Variants in HERC2 observed in about 807,000 individuals in gnomAD.
HERC2 encodes E3 ubiquitin-protein ligase HERC2.
A neutral mutation model predicts 537.7 loss-of-function variants in HERC2; 102 were observed. The ratio of observed to expected loss-of-function variants is 0.19; its 90% CI spans 0.16 to 0.22. The LOEUF is 0.22. Ranked by LOEUF, HERC2 falls within the 10% of genes least tolerant of loss-of-function variation. The pLI is 1.00. For missense variants in HERC2, 4,236 were observed against 6,198.2 expected (o/e 0.68, Z 10.63); for synonymous variants, 2,224 against 2,466.2 (o/e 0.90, Z 2.91).
Position 28,141,723 on chromosome 15 carries a change from A to G in HERC2, c.11816+8T>C, listed in dbSNP as rs1184054994. On this transcript the variant is annotated splice_region_variant and intron_variant, in intron 77 of 92. Coordinates refer to ENST00000261609, the MANE Select transcript of HERC2 (RefSeq NM_004667.6). ...ATCGACATTACTGCTTGTTTCTAAT[A>G]TAATAACCTGTTCATCCACTGCACA... The G allele has an allele frequency of 2.5e-6, 4 of 1,612,862 alleles. No homozygotes were observed. Among genetic ancestry groups the G allele is most frequent in the Non-Finnish European group, 3.4e-6 (4 of 1,178,846 alleles).
At chr15:28,318,488 C>G (rs986201195) in intron 2 of HERC2, among the ~76,000 whole-genome samples, 2 of 152,074 alleles carry the variant, frequency 1.3e-5, no homozygotes, top group African/African-American at 4.8e-5. Context: ...ATTAGCCAGG[C>G]GTGGTGGTGG....
intron 23 of HERC2, among the ~76,000 whole-genome samples, chr15:28,243,565 A>C (rs563246760): frequency 6.6e-6 from 1 of 152,322 alleles, no homozygotes; most frequent in Non-Finnish European, 1.5e-5. Flanking sequence ...AAAAATGCGC[A>C]CAAAACTTGA....
rs200864382 is a variant in HERC2, at chr15:28,233,170, T to G, written c.4651A>C (p.Ile1551Leu). The G allele has an allele frequency of 5.6e-4, 902 of 1,611,812 alleles. 1 individual carries two copies. Among genetic ancestry groups the G allele is most frequent in the Non-Finnish European group, 7.0e-4 (823 of 1,179,750 alleles). Residue 1551 changes from isoleucine to leucine, a missense_variant, in exon 30 of 93, where the codon ATT becomes CTT. Around this residue, in one of 27 missense-constraint regions of HERC2, gnomAD observed 343 missense variants for 417.2 expected, o/e 0.82. Transcript: ENST00000261609. Reference sequence around the variant, plus strand: ...CCTCTCTTTTTCCTTCGTTCTCGAATTATCTTTTGAGCTATCCTCCTCCAA... The same window carrying G: ...CCTCTCTTTTTCCTTCGTTCTCGAAGTATCTTTTGAGCTATCCTCCTCCAA... ...PRWRRIAQKI[I>L]RERRKKRVPK...
intron 86 of HERC2, chr15:28,117,843 C>T (rs1888448467): frequency 3.2e-6 from 1 of 310,662 alleles, no homozygotes; most frequent in Non-Finnish European, 6.3e-6. Flanking sequence ...GCCCTAGGGC[C>T]CCGCCGCAGC....
chr15:28,317,198 C>T (rs1341588025), intron 2 of HERC2, among the ~76,000 whole-genome samples: 1 of 152,156 alleles, frequency 6.6e-6, no homozygotes, highest in Non-Finnish European at 1.5e-5. Flanking sequence ...TCAAGCACTT[C>T]TCCTGCCTCA....
chr15:28,159,340 T>C (rs191227419), intron 69 of HERC2, among the ~76,000 whole-genome samples: 269 of 152,336 alleles, frequency 1.8e-3, no homozygotes, highest in African/African-American at 5.8e-3. Context: ...GTTTTCCAAC[T>C]TGGTTCCATT....
chr15:28,116,015 A>G lies in HERC2; in HGVS notation c.13610-474T>C, dbSNP rs569300577. On this transcript the variant is annotated intron_variant, in intron 88 of 92. Coordinates refer to ENST00000261609, the MANE Select transcript of HERC2 (RefSeq NM_004667.6). The stretch of plus-strand genomic sequence containing the variant: ...TAAACACTGAAGATGCAGAAACAGA[A>G]TCTCCCATCTTCTGAGTACCCGAGG... 3.3e-5 allele frequency among the ~76,000 whole-genome samples: 5 copies of G among 152,238 alleles called. No homozygotes were observed. In the South Asian group the frequency reaches 1.0e-3, roughly 32 times the overall value.
intron 86 of HERC2, 39 bp from the exon 87 acceptor site, chr15:28,117,193 G>T (rs372606458): frequency 8.7e-6 from 14 of 1,601,510 alleles, no homozygotes; most frequent in African/African-American, 1.3e-5. Flanking sequence ...GGCCGCTGCC[G>T]CAGCAGGAAG....
At chr15:28,252,974 C>A (rs1206742949) in intron 20 of HERC2, among the ~76,000 whole-genome samples, 2 of 152,236 alleles carry the variant, frequency 1.3e-5, no homozygotes, top group Non-Finnish European at 2.9e-5. Flanking sequence ...GTGGCCACTG[C>A]CCAGGGCTCC....
chr15:28,274,511 C>G (rs2075820902), intron 6 of HERC2, 64 bp from the exon 7 acceptor site: 1 of 1,503,296 alleles, frequency 6.7e-7, no homozygotes. Flanking sequence ...GGGCTTCCCA[C>G]CCCTCAGCGA....
chr15:28,179,331 T>C, intron 57 of HERC2, 108 bp from the exon 58 acceptor site: 1 of 843,996 alleles, frequency 1.2e-6, no homozygotes, highest in Non-Finnish European at 1.9e-6. Context: ...TTATGCACTG[T>C]GTAACATTTC....
At chr15:28,236,596 A>G (rs2346090) in intron 26 of HERC2, among the ~76,000 whole-genome samples, 16 of 148,900 alleles carry the variant, frequency 1.1e-4, no homozygotes, top group African/African-American at 2.3e-4. Context: ...GCTATCTCCT[A>G]CTTTTTTTAA....
intron 75 of HERC2, 65 bp downstream of exon 75, chr15:28,142,762 A>C (rs1238537085): frequency 4.6e-6 from 7 of 1,521,130 alleles, no homozygotes; most frequent in Admixed American, 1.9e-5. Flanking sequence ...TGCACATGAC[A>C]ACTCTCAGTG....
At chr15:28,218,761 T>C in intron 37 of HERC2, 90 bp from the exon 38 acceptor site, 1 of 1,137,070 alleles carries the variant, frequency 8.8e-7, no homozygotes. Flanking sequence ...AATATTACAT[T>C]CTTGTTTTAT....
At chr15:28,133,196 T>A (rs188250057) in intron 79 of HERC2, among the ~76,000 whole-genome samples, 1 of 151,906 alleles carries the variant, frequency 6.6e-6, no homozygotes, top group Non-Finnish European at 1.5e-5. Flanking sequence ...TCTGGCCCTA[T>A]AAGGAAAGTT....
intron 35 of HERC2, among the ~76,000 whole-genome samples, chr15:28,225,174 G>C (rs1596276708): frequency 6.6e-6 from 1 of 151,624 alleles, no homozygotes; most frequent in East Asian, 2.0e-4. Flanking sequence ...GATAACTTGA[G>C]CCCAGGAGGT....
At chr15:28,240,183 C>A (rs1363646219) in intron 23 of HERC2, among the ~76,000 whole-genome samples, 1 of 152,178 alleles carries the variant, frequency 6.6e-6, no homozygotes, top group African/African-American at 2.4e-5. Context: ...CTTTGGGAGG[C>A]CAAGGTGGGC....
intron 78 of HERC2, among the ~76,000 whole-genome samples, chr15:28,136,260 C>T (rs1176322853): frequency 6.6e-6 from 1 of 152,166 alleles, no homozygotes; most frequent in Non-Finnish European, 1.5e-5. Flanking sequence ...GCAAACATCC[C>T]TCCTGATAAA....
Position 28,144,796 on chromosome 15 carries a change from A to G in HERC2, c.11017T>C (p.Trp3673Arg), listed in dbSNP as rs778879782. ...RIVSVRSGRE[W>R]SDWSSELRIP... ...CGCAGCTCGCTGGACCAGTCGGACC[A>G]CTCTCGGCCTGCGGGAGGAAAGCGC... Residue 3673 changes from tryptophan to arginine, a missense_variant, in exon 72 of 93, where the codon TGG becomes CGG. Physicochemically the swap from Trp to Arg is moderately radical, Grantham distance 101. Around this residue, in one of 27 missense-constraint regions of HERC2, gnomAD observed 356 missense variants for 450.9 expected, o/e 0.79. Coordinates refer to ENST00000261609, the MANE Select transcript of HERC2 (RefSeq NM_004667.6). 1.2e-6 allele frequency: 2 copies of G among 1,613,856 alleles called. No individual in the cohort carries two copies. The highest frequency in any genetic ancestry group is 1.7e-6 in the Non-Finnish European group (2 of 1,179,934).
Sources: allele counts gnomAD v4.1 joint callset (sites outside exome capture counted in the v4.1 genomes callset), GRCh38; gene constraint gnomAD v4.1.1; regional missense constraint gnomAD v4.1.1; transcripts MANE v1.5; gene names NCBI Gene and HGNC (gene_info 2026-07-23, HGNC 2026-07-21).